The following FSTL5 variants were observed in gnomAD, a reference collection of about 807,000 sequenced individuals.
FSTL5 encodes follistatin like 5, also known as follistatin-related protein 5.
A neutral mutation model predicts 89.1 loss-of-function variants in FSTL5; 62 were observed. The observed-to-expected ratio is 0.70, with a 90% CI of 0.57 to 0.86. The LOEUF (loss-of-function observed/expected upper bound fraction) is 0.86, where lower values mean the gene tolerates loss of function less well. Ranked by LOEUF, FSTL5 falls within the 40% of genes least tolerant of loss-of-function variation. The pLI, the probability that FSTL5 is intolerant of heterozygous loss-of-function variation, is 0.00. For missense variants in FSTL5, 1,057 were observed against 1,001.6 expected (o/e 1.06, Z -0.75); for synonymous variants, 383 against 346.2 (o/e 1.11, Z -1.18).
At position 161,429,098 on chromosome 4, in the gene FSTL5, G is replaced by A. The variant is rs1210637735; in HGVS notation, c.1841+25906C>T. On this transcript the variant is annotated intron_variant, in intron 15 of 15. Coordinates refer to ENST00000306100, the MANE Select transcript of FSTL5 (RefSeq NM_020116.5). Reference sequence around the variant, plus strand: ...AGGCAGTGCTCACTGCAGGCCTGGGGCAGTGGGGACCACAAGGAGAAGAGT... The same window carrying A: ...AGGCAGTGCTCACTGCAGGCCTGGGACAGTGGGGACCACAAGGAGAAGAGT... Among the ~76,000 whole-genome samples, 4 of 152,122 alleles carry A rather than the reference G, an allele frequency of 2.6e-5. No homozygotes were observed. The South Asian group carries it at 6.2e-4, about 24-fold the overall frequency.
intron 1 of FSTL5, among the ~76,000 whole-genome samples, chr4:162,144,314 C>A (rs565016356): frequency 6.6e-6 from 1 of 152,132 alleles, no homozygotes; most frequent in Non-Finnish European, 1.5e-5. Flanking sequence ...GTTATATGTT[C>A]TATTATCGAT....
At chr4:161,502,027 A>T (rs1730308681) in intron 11 of FSTL5, among the ~76,000 whole-genome samples, 1 of 151,962 alleles carries the variant, frequency 6.6e-6, no homozygotes, top group Admixed American at 6.6e-5. Context: ...TTTGATTTTT[A>T]TTACTAAGCT....
chr4:161,558,820 A>T (rs928218840), intron 8 of FSTL5, among the ~76,000 whole-genome samples: 1 of 151,862 alleles, frequency 6.6e-6, no homozygotes, highest in African/African-American at 2.4e-5. Context: ...GCCCTCTGTG[A>T]CTTTTCACTC....
chr4:161,469,048 C>G (rs772685922), intron 13 of FSTL5, among the ~76,000 whole-genome samples: 1 of 152,080 alleles, frequency 6.6e-6, no homozygotes, highest in East Asian at 1.9e-4. Flanking sequence ...TAAAATGGAA[C>G]CATTATAGTC....
chr4:161,845,815 G>A (rs181266410), intron 4 of FSTL5, among the ~76,000 whole-genome samples: 1 of 152,268 alleles, frequency 6.6e-6, no homozygotes, highest in Admixed American at 6.5e-5. Flanking sequence ...GGAGGCCAAG[G>A]TGGGAGGGTC....
intron 7 of FSTL5, among the ~76,000 whole-genome samples, chr4:161,608,569 T>A (rs1338978377): frequency 1.3e-5 from 2 of 152,024 alleles, no homozygotes; most frequent in African/African-American, 4.8e-5. Flanking sequence ...TTTGGAAATT[T>A]TCTACACATT....
At chr4:161,798,137 A>T (rs1408121214) in intron 4 of FSTL5, among the ~76,000 whole-genome samples, 1 of 151,726 alleles carries the variant, frequency 6.6e-6, no homozygotes, top group African/African-American at 2.4e-5. Context: ...TATGGCATAC[A>T]GGTTAAGTAA....
At chr4:162,135,217 T>A (rs929345561) in intron 1 of FSTL5, among the ~76,000 whole-genome samples, 2 of 152,136 alleles carry the variant, frequency 1.3e-5, no homozygotes, top group African/African-American at 4.8e-5. Context: ...GTTAAACTCA[T>A]TATGTTTATC....
chr4:161,561,863 C>A (rs556635197), intron 8 of FSTL5, among the ~76,000 whole-genome samples: 2 of 151,984 alleles, frequency 1.3e-5, no homozygotes, highest in Non-Finnish European at 2.9e-5. Context: ...AGTGCTGGGG[C>A]ACAGTCACTA....
chr4:161,919,820 T>A (rs1733942279), intron 4 of FSTL5, among the ~76,000 whole-genome samples: 3 of 74,692 alleles, frequency 4.0e-5, no homozygotes, highest in Admixed American at 1.3e-4. Context: ...ACAAATTCAG[T>A]ACTTTTCTAA....
chr4:161,613,601 T>C (rs1734733965), intron 7 of FSTL5, among the ~76,000 whole-genome samples: 1 of 151,826 alleles, frequency 6.6e-6, no homozygotes, highest in Admixed American at 6.6e-5. Context: ...AAGAAAAAAA[T>C]CTCCAATGAC....
chr4:162,078,212 G>A (rs1466656522), intron 2 of FSTL5, among the ~76,000 whole-genome samples: 1 of 151,746 alleles, frequency 6.6e-6, no homozygotes, highest in Admixed American at 6.6e-5. Flanking sequence ...CATTTCTGAA[G>A]GTCTCTCCTT....
chr4:161,402,234 A>G (rs761321834), intron 15 of FSTL5, among the ~76,000 whole-genome samples: 11 of 152,220 alleles, frequency 7.2e-5, no homozygotes, highest in Non-Finnish European at 1.0e-4. Context: ...ACAAAAAGCA[A>G]TCATTTAATA....
intron 15 of FSTL5, among the ~76,000 whole-genome samples, chr4:161,405,896 A>G (rs1246065661): frequency 1.3e-5 from 2 of 152,220 alleles, no homozygotes; most frequent in African/African-American, 2.4e-5. Context: ...GTGCTGAAGG[A>G]AAAGATCTGT....
chr4:162,110,213 G>T (rs989180507), intron 2 of FSTL5, among the ~76,000 whole-genome samples: 7 of 151,688 alleles, frequency 4.6e-5, no homozygotes, highest in Non-Finnish European at 8.8e-5. Flanking sequence ...TAATAAATGT[G>T]TGCATTTAGA....
chr4:162,112,821 G>C lies in FSTL5; in HGVS notation c.-16-1409C>G, dbSNP rs541013184. Among the ~76,000 whole-genome samples the C allele has an allele frequency of 1.7e-3, 216 of 124,312 alleles. 2 individuals carry two copies. The highest frequency in any genetic ancestry group is 6.3e-3 in the Admixed American group (79 of 12,552). 81.6% of individuals were successfully genotyped at this position (124,312 alleles called of 152,430 possible). On this transcript the variant is annotated intron_variant, in intron 1 of 15. Coordinates refer to ENST00000306100, the MANE Select transcript of FSTL5 (RefSeq NM_020116.5). ...CACACACACACACACACACACCAGTGGGCATTCCTAATCCATTCTTACAAG... is the reference window on the plus strand; with the variant it reads ...CACACACACACACACACACACCAGTCGGCATTCCTAATCCATTCTTACAAG...
At chr4:161,608,264 C>G (rs537709768) in intron 7 of FSTL5, among the ~76,000 whole-genome samples, 1 of 152,082 alleles carries the variant, frequency 6.6e-6, no homozygotes, top group South Asian at 2.1e-4. Context: ...TAATTTTGCA[C>G]ATATTAAAAA....
At chr4:162,143,635 C>T (rs1732837133) in intron 1 of FSTL5, among the ~76,000 whole-genome samples, 1 of 151,790 alleles carries the variant, frequency 6.6e-6, no homozygotes, top group Non-Finnish European at 1.5e-5. Context: ...GCATCTGGAT[C>T]TTTAAATCAT....
chr4:161,902,726 G>C (rs558540311), intron 4 of FSTL5, among the ~76,000 whole-genome samples: 6 of 152,008 alleles, frequency 3.9e-5, no homozygotes, highest in African/African-American at 1.4e-4. Flanking sequence ...GTGGGCGCCT[G>C]TAATCCCAGC....
Sources: gnomAD v4.1 joint callset for allele counts (sites outside exome capture counted in the v4.1 genomes callset) on GRCh38, gnomAD v4.1.1 for gene constraint, MANE v1.5 for transcripts, NCBI Gene and HGNC (gene_info 2026-07-23, HGNC 2026-07-21) for gene names.